The following STK3 variants were observed in gnomAD, a reference collection of about 807,000 sequenced individuals.
STK3 encodes the protein serine/threonine kinase 3.
Under a neutral mutation model 58.0 loss-of-function variants are expected in STK3, and 41 were observed. The ratio of observed to expected loss-of-function variants is 0.71; its 90% CI spans 0.55 to 0.92. The LOEUF (loss-of-function observed/expected upper bound fraction) is 0.92, where lower values mean the gene tolerates loss of function less well. Ranked by LOEUF, STK3 falls within the 40% of genes least tolerant of loss-of-function variation. The probability of loss-of-function intolerance (pLI) is 0.00; values close to 1 mark genes in which losing one functional copy is unlikely to be tolerated. For missense variants in STK3, 479 were observed against 602.7 expected (o/e 0.79, Z 2.15); for synonymous variants, 170 against 191.0 (o/e 0.89, Z 0.91).
chr8:98,880,652 G>C (rs1051672106), downstream of STK3: 1 of 152,092 alleles, frequency 6.6e-6, no homozygotes, highest in Non-Finnish European at 1.5e-5. Context: ...TCTGATAAAG[G>C]ATGGGCAAAA....
At chr8:98,458,298 T>A (rs1367993968) in intron 10 of STK3, among the ~76,000 whole-genome samples, 3 of 152,188 alleles carry the variant, frequency 2.0e-5, no homozygotes, top group African/African-American at 7.2e-5. Context: ...TATTGATTCT[T>A]CCAATCCATG....
At chr8:98,883,694 G>A, downstream of STK3, 2 of 702,856 alleles carry the variant, frequency 2.8e-6, no homozygotes, top group Non-Finnish European at 5.2e-6. Flanking sequence ...CTTTTTTCTT[G>A]AAGACAGAGG....
Position 98,743,514 on chromosome 8 carries a change from G to C in STK3, c.351+5762C>G, listed in dbSNP as rs866933802. ...ATTCCCTATTTAATAAATGGTGCTG[G>C]GAAAACTGGCTAGCGACATGTAGAA... On this transcript the variant is annotated intron_variant, in intron 4 of 10. Transcript: ENST00000419617. 2.5e-4 allele frequency among the ~76,000 whole-genome samples: 38 copies of C among 152,196 alleles called. No individual in the cohort carries two copies. In the Middle Eastern group the frequency reaches 0.017, roughly 68 times the overall value.
At chr8:98,821,121 C>G (rs1236197397) in intron 1 of STK3, among the ~76,000 whole-genome samples, 1 of 152,146 alleles carries the variant, frequency 6.6e-6, no homozygotes, top group Non-Finnish European at 1.5e-5. Flanking sequence ...TGTTAGGAAC[C>G]AGGCAACACA....
At chr8:98,717,973 T>C (rs937940582) in intron 4 of STK3, among the ~76,000 whole-genome samples, 1 of 152,190 alleles carries the variant, frequency 6.6e-6, no homozygotes, top group African/African-American at 2.4e-5. Context: ...TGTATGATCC[T>C]GCTTATATGA....
At chr8:98,477,645 CT>C (rs1357260913) in intron 10 of STK3, among the ~76,000 whole-genome samples, 2 of 135,050 alleles carry the variant, frequency 1.5e-5, no homozygotes, top group African/African-American at 2.8e-5. Context: ...GCTTGGGAAG[CT>C]GAAATTCTGT....
chr8:98,849,355 A>G (rs1043969262), intron 3 of STK3, among the ~76,000 whole-genome samples: 1 of 152,198 alleles, frequency 6.6e-6, no homozygotes, highest in Admixed American at 6.5e-5. Context: ...CTCAAATATA[A>G]CATGTGTGGT....
chr8:98,479,713 T>A (rs950293793), intron 10 of STK3, among the ~76,000 whole-genome samples: 4 of 152,202 alleles, frequency 2.6e-5, no homozygotes, highest in Middle Eastern at 3.4e-3. Context: ...ACTTGACATA[T>A]GAAGAATCTG....
chr8:98,392,769 AG>A (rs1387703681), upstream of STK3, among the ~76,000 whole-genome samples: 10 of 152,130 alleles, frequency 6.6e-5, no homozygotes, highest in Admixed American at 4.6e-4. Flanking sequence ...TGTCCACTTG[AG>A]GGGGGCTTTC....
chr8:98,644,721 T>C (rs565934140), intron 6 of STK3, among the ~76,000 whole-genome samples: 9 of 152,310 alleles, frequency 5.9e-5, no homozygotes, highest in African/African-American at 1.9e-4. Context: ...TCCCCAATTA[T>C]ATAACTTTTT....
Position 98,526,788 on chromosome 8 carries a change from A to C in STK3, c.1271T>G (p.Val424Gly), listed in dbSNP as rs1825771874. Residue 424 changes from valine to glycine, a missense_variant, in exon 10 of 11, where the codon GTT becomes GGT. Around this residue, in one of 3 missense-constraint regions of STK3, gnomAD observed 309 missense variants for 355.7 expected, o/e 0.87. Coordinates refer to ENST00000419617, the MANE Select transcript of STK3 (RefSeq NM_006281.4). ...AGGAACTTTCCAGTTATCAGGAAAAACGTTTTTGGACATAGGGAAGGGTTC... is the reference window on the plus strand; with the variant it reads ...AGGAACTTTCCAGTTATCAGGAAAACCGTTTTTGGACATAGGGAAGGGTTC... ...MHEPFPMSKN[V>G]FPDNWKVPQD... 1 of 1,584,844 alleles carries C rather than the reference A, an allele frequency of 6.3e-7. No individual in the cohort carries two copies. The highest frequency in any genetic ancestry group is 1.3e-5 in the African/African-American group (1 of 74,340).
intron 8 of STK3, among the ~76,000 whole-genome samples, chr8:98,551,925 C>T (rs1286000784): frequency 6.6e-6 from 1 of 152,028 alleles, no homozygotes; most frequent in Non-Finnish European, 1.5e-5. Context: ...TTCAAACCAT[C>T]ATTTTATATC....
At chr8:98,722,885 A>C (rs1444538362) in intron 4 of STK3, 2 of 509,132 alleles carry the variant, frequency 3.9e-6, no homozygotes, top group Admixed American at 4.0e-5. Context: ...AGGTAATGTA[A>C]GAATTCAGCT....
intron 8 of STK3, among the ~76,000 whole-genome samples, chr8:98,564,176 T>G (rs1812282589): frequency 6.6e-6 from 1 of 152,046 alleles, no homozygotes; most frequent in Non-Finnish European, 1.5e-5. Context: ...GTCTCATCAT[T>G]AGAAAAAAAA....
intron 1 of STK3, among the ~76,000 whole-genome samples, chr8:98,901,836 G>A (rs1838668416): frequency 6.6e-6 from 1 of 152,244 alleles, no homozygotes; most frequent in Non-Finnish European, 1.5e-5. Flanking sequence ...ATGTGAAACT[G>A]CTGTGAGTCA....
In STK3 at chr8:98,825,605, G is replaced by C; in HGVS notation, c.-65C>G. 7.3e-7 allele frequency: 1 copy of C among 1,368,944 alleles called. No individual in the cohort carries two copies. The highest frequency in any genetic ancestry group is 1.6e-5 in the South Asian group (1 of 62,730). 84.8% of individuals were successfully genotyped at this position (1,368,944 alleles called of 1,614,324 possible). A position where few individuals can be genotyped will look rare whatever the true frequency, so the allele number is the denominator to read the frequency against. ...AGGCCGAAAGGAGGAAAGGAGCCGG[G>C]GCACCGGCCGGCCGAGCCTAGGGCA... is the stretch of plus-strand genomic sequence containing the variant. On this transcript the variant is annotated 5_prime_UTR_variant, in exon 1 of 11. Coordinates refer to ENST00000419617, the MANE Select transcript of STK3 (RefSeq NM_006281.4).
chr8:98,699,332 T>C (rs1425442866), intron 6 of STK3, among the ~76,000 whole-genome samples: 1 of 152,244 alleles, frequency 6.6e-6, no homozygotes, highest in African/African-American at 2.4e-5. Flanking sequence ...TTGGAGTAGT[T>C]TGATCGTCTG....
At chr8:98,936,937 G>A (rs1327401534) in intron 1 of STK3, among the ~76,000 whole-genome samples, 1 of 152,206 alleles carries the variant, frequency 6.6e-6, no homozygotes, top group South Asian at 2.1e-4. Context: ...GAAAAGTGAA[G>A]TATGTGGCTA....
chr8:98,415,707 A>G (rs1480000237), intron 3 of STK3, among the ~76,000 whole-genome samples: 1 of 152,256 alleles, frequency 6.6e-6, no homozygotes, highest in East Asian at 1.9e-4. Flanking sequence ...TAGGTTAAAC[A>G]TGTTCTCCAA....
Sources: gnomAD v4.1 joint callset for allele counts (sites outside exome capture counted in the v4.1 genomes callset) on GRCh38, gnomAD v4.1.1 for gene constraint, gnomAD v4.1.1 regional missense constraint, MANE v1.5 for transcripts, NCBI Gene and HGNC (gene_info 2026-07-23, HGNC 2026-07-21) for gene names.